Variants in PTPRT observed in about 807,000 individuals in gnomAD.
The protein encoded by PTPRT is protein tyrosine phosphatase receptor type T.
PTPRT carries 56 observed loss-of-function variants against 176.8 expected under a neutral mutation model. The ratio of observed to expected loss-of-function variants is 0.32; its 90% CI spans 0.26 to 0.40. The LOEUF is 0.40. Among genes scored for constraint, PTPRT ranks in the 10% least tolerant of loss-of-function variants. The probability of loss-of-function intolerance (pLI) is 1.00; values close to 1 mark genes in which losing one functional copy is unlikely to be tolerated. For synonymous variants in PTPRT, 783 were observed against 739.0 expected (o/e 1.06, Z -0.96); for missense variants, 1,540 against 1,908.2 (o/e 0.81, Z 3.60).
chr20:43,108,490 T>C (rs1300552928), intron 1 of PTPRT, among the ~76,000 whole-genome samples: 1 of 152,010 alleles, frequency 6.6e-6, no homozygotes, highest in Non-Finnish European at 1.5e-5. Flanking sequence ...GAGATAATAA[T>C]ACATTGTTAA....
chr20:43,147,287 T>A (rs1439007944), intron 1 of PTPRT, among the ~76,000 whole-genome samples: 1 of 152,168 alleles, frequency 6.6e-6, no homozygotes, highest in Non-Finnish European at 1.5e-5. Context: ...AAACCTCCCA[T>A]GCCTCAGTTT....
At chr20:42,223,067 T>A (rs1421099374) in intron 15 of PTPRT, among the ~76,000 whole-genome samples, 6 of 152,208 alleles carry the variant, frequency 3.9e-5, no homozygotes, top group Non-Finnish European at 1.5e-5. Flanking sequence ...TTCTCTTCCA[T>A]GTTGATGACT....
chr20:42,510,212 T>C (rs2071929004), intron 7 of PTPRT, among the ~76,000 whole-genome samples: 1 of 152,014 alleles, frequency 6.6e-6, no homozygotes. Context: ...CCCCGTTGTG[T>C]TTCCAATACC....
intron 7 of PTPRT, among the ~76,000 whole-genome samples, chr20:42,589,826 A>C (rs550977976): frequency 6.6e-6 from 1 of 152,256 alleles, no homozygotes; most frequent in Non-Finnish European, 1.5e-5. Flanking sequence ...TAAATCATGC[A>C]TTTACAAATA....
chr20:42,259,261 ACT>A (rs2056703487), intron 13 of PTPRT, among the ~76,000 whole-genome samples: 1 of 152,270 alleles, frequency 6.6e-6, no homozygotes, highest in South Asian at 2.1e-4. Context: ...GCTAAATGAG[ACT>A]CTGATAGAGA....
At chr20:42,145,590 C>T (rs1988834944) in intron 17 of PTPRT, among the ~76,000 whole-genome samples, 1 of 152,050 alleles carries the variant, frequency 6.6e-6, no homozygotes, top group Non-Finnish European at 1.5e-5. Context: ...GCTTGCTGAC[C>T]TTTATTCTAG....
chr20:42,901,042 C>T (rs1327770991), intron 1 of PTPRT, among the ~76,000 whole-genome samples: 2 of 152,194 alleles, frequency 1.3e-5, no homozygotes, highest in African/African-American at 2.4e-5. Flanking sequence ...AAAGGAAATG[C>T]TAAGCCGTCA....
intron 2 of PTPRT, among the ~76,000 whole-genome samples, chr20:42,802,114 C>T (rs549331698): frequency 4.6e-5 from 7 of 152,294 alleles, no homozygotes; most frequent in Admixed American, 3.9e-4. Context: ...TAAACTGTGC[C>T]GGGTCCCATA....
intron 7 of PTPRT, among the ~76,000 whole-genome samples, chr20:42,505,217 A>C (rs992190462): frequency 5.3e-5 from 8 of 151,994 alleles, no homozygotes; most frequent in Admixed American, 5.3e-4. Flanking sequence ...TCTTTTAATT[A>C]TTTTATTTAC....
At chr20:42,403,015 T>A (rs1298980201) in intron 9 of PTPRT, among the ~76,000 whole-genome samples, 2 of 152,168 alleles carry the variant, frequency 1.3e-5, no homozygotes, top group African/African-American at 4.8e-5. Flanking sequence ...CTCAATGCAA[T>A]ACTTACGGTA....
At chr20:42,290,643 TTTTATTTATTTA>T (rs896764441) in intron 12 of PTPRT, among the ~76,000 whole-genome samples, 28 of 152,082 alleles carry the variant, frequency 1.8e-4, no homozygotes, top group African/African-American at 6.3e-4. Flanking sequence ...ATGCAAATAA[TTTTATTTATTTA>T]TTTATTTATT....
chr20:42,756,698 C>G, intron 5 of PTPRT, 62 bp from the exon 6 acceptor site: 1 of 1,381,572 alleles, frequency 7.2e-7, no homozygotes. Flanking sequence ...CTAGGTGACT[C>G]CCAACACGGA....
intron 9 of PTPRT, among the ~76,000 whole-genome samples, chr20:42,434,640 A>G (rs950942321): frequency 6.9e-6 from 1 of 145,580 alleles, no homozygotes; most frequent in African/African-American, 2.5e-5. Flanking sequence ...CTTCATAAGA[A>G]AAGCCCATCC....
intron 2 of PTPRT, among the ~76,000 whole-genome samples, chr20:42,875,229 C>T (rs942909990): frequency 1.1e-4 from 17 of 152,312 alleles, no homozygotes; most frequent in African/African-American, 4.1e-4. Context: ...ACCAAAAGGA[C>T]ATCATGTTGC....
intron 2 of PTPRT, among the ~76,000 whole-genome samples, chr20:42,848,346 T>C (rs1047347104): frequency 2.0e-5 from 3 of 152,228 alleles, no homozygotes; most frequent in African/African-American, 4.8e-5. Context: ...TACCCAGTAG[T>C]GGGATTGCTG....
At chr20:42,380,198 C>T (rs1373053346) in intron 9 of PTPRT, among the ~76,000 whole-genome samples, 1 of 152,204 alleles carries the variant, frequency 6.6e-6, no homozygotes, top group African/African-American at 2.4e-5. Context: ...TGCATCCTGC[C>T]TCAGTTTCCT....
chr20:42,815,527 C>A (rs2077767949), intron 2 of PTPRT, among the ~76,000 whole-genome samples: 1 of 152,196 alleles, frequency 6.6e-6, no homozygotes, highest in African/African-American at 2.4e-5. Context: ...TCTGCCAGGT[C>A]AAACTTAGAA....
In PTPRT at chr20:42,352,127, G is replaced by C. The variant is rs779145883; in HGVS notation, c.1719C>G (p.Gly573=). 1.2e-6 allele frequency: 2 copies of C among 1,614,150 alleles called. No individual in the cohort carries two copies. The highest frequency in any genetic ancestry group is 1.7e-5 in the Admixed American group (1 of 60,024). Residue 573 remains glycine, a synonymous_variant, in exon 10 of 31, where the codon GGC becomes GGG. Coordinates refer to ENST00000373187, the MANE Select transcript of PTPRT (RefSeq NM_007050.6). The part of the protein sequence containing the change: ...SFTIKASTAK[G]FGPPVTTRIA... ...TCCGAGTGGTGACAGGGGGCCCAAA[G>C]CCCTTTGCTGTGCTGGCCTTGATGG...
intron 1 of PTPRT, among the ~76,000 whole-genome samples, chr20:42,887,106 A>C (rs1677306977): frequency 2.6e-5 from 4 of 152,216 alleles, no homozygotes; most frequent in Admixed American, 2.6e-4. Flanking sequence ...AAACGCTCAC[A>C]GGTTTCCCAC....
Sources: gnomAD v4.1 joint callset for allele counts (sites outside exome capture counted in the v4.1 genomes callset) on GRCh38, gnomAD v4.1.1 for gene constraint, MANE v1.5 for transcripts, NCBI Gene and HGNC (gene_info 2026-07-23, HGNC 2026-07-21) for gene names.